ADAMTS12: variants seen among roughly 807,000 people sequenced by gnomAD.
ADAMTS12 encodes ADAM metallopeptidase with thrombospondin type 1 motif 12.
Under a neutral mutation model 167.8 loss-of-function variants are expected in ADAMTS12, and 118 were observed. That is an observed-to-expected ratio of 0.70 (90% confidence interval 0.61 to 0.82). The LOEUF (loss-of-function observed/expected upper bound fraction) is 0.82. Ranked by LOEUF, ADAMTS12 falls within the 40% of genes least tolerant of loss-of-function variation. The pLI is 0.00. For synonymous variants in ADAMTS12, 704 were observed against 716.9 expected (o/e 0.98, Z 0.29); for missense variants, 1,916 against 1,998.8 (o/e 0.96, Z 0.79).
chr5:33,744,603 A>G (rs1014687637), intron 3 of ADAMTS12, among the ~76,000 whole-genome samples: 6 of 152,174 alleles, frequency 3.9e-5, no homozygotes, highest in African/African-American at 1.4e-4. Flanking sequence ...CAATCATCCA[A>G]GTGAGAGGCG....
chr5:33,802,721 G>A (rs1457907407), intron 2 of ADAMTS12, among the ~76,000 whole-genome samples: 1 of 152,106 alleles, frequency 6.6e-6, no homozygotes, highest in African/African-American at 2.4e-5. Context: ...CATCTCAGGG[G>A]CCCTACTCTG....
At chr5:33,590,900 T>C (rs1017318186) in intron 17 of ADAMTS12, among the ~76,000 whole-genome samples, 383 of 53,942 alleles carry the variant, frequency 7.1e-3, no homozygotes, top group Non-Finnish European at 0.011. Flanking sequence ...TCTTCTTCCT[T>C]TTTTTTTTTT....
At chr5:33,614,852 G>A (rs758398300) in intron 15 of ADAMTS12, among the ~76,000 whole-genome samples, 1 of 152,218 alleles carries the variant, frequency 6.6e-6, no homozygotes, top group Non-Finnish European at 1.5e-5. Context: ...AGGGTTAAAT[G>A]AGTAAACACA....
chr5:33,683,327 A>C (rs895039727), intron 4 of ADAMTS12, among the ~76,000 whole-genome samples: 1 of 152,194 alleles, frequency 6.6e-6, no homozygotes, highest in African/African-American at 2.4e-5. Flanking sequence ...TGAAGGATTA[A>C]CATTTTTCTT....
chr5:33,845,564 GAATA>G (rs1748914468), intron 2 of ADAMTS12, among the ~76,000 whole-genome samples: 1 of 152,078 alleles, frequency 6.6e-6, no homozygotes, highest in African/African-American at 2.4e-5. Flanking sequence ...ATAAATACAT[GAATA>G]AATAAATTGC....
chr5:33,756,257 C>T (rs765838713), intron 2 of ADAMTS12, among the ~76,000 whole-genome samples: 4 of 152,240 alleles, frequency 2.6e-5, no homozygotes, highest in Non-Finnish European at 2.9e-5. Flanking sequence ...ACCTGAAGTC[C>T]TGTGTCACAG....
intron 3 of ADAMTS12, among the ~76,000 whole-genome samples, chr5:33,696,513 A>G (rs1290990653): frequency 1.3e-5 from 2 of 151,722 alleles, no homozygotes; most frequent in Non-Finnish European, 2.9e-5. Flanking sequence ...AGGTTTGACA[A>G]TAACACAAAT....
intron 6 of ADAMTS12, among the ~76,000 whole-genome samples, chr5:33,659,475 C>T (rs182394591): frequency 6.4e-4 from 98 of 152,316 alleles, no homozygotes; most frequent in Admixed American, 2.5e-3. Flanking sequence ...TGTGAAGCTG[C>T]TGGAAAAAGA....
intron 2 of ADAMTS12, among the ~76,000 whole-genome samples, chr5:33,753,461 G>T (rs976436319): frequency 3.9e-5 from 6 of 152,152 alleles, no homozygotes; most frequent in African/African-American, 1.4e-4. Context: ...GGCACAAGAG[G>T]AAAATGTGAG....
intron 2 of ADAMTS12, among the ~76,000 whole-genome samples, chr5:33,835,064 A>C (rs1748457113): frequency 6.6e-6 from 1 of 152,232 alleles, no homozygotes; most frequent in Non-Finnish European, 1.5e-5. Flanking sequence ...CATTTTTCAA[A>C]TACTATCTCT....
chr5:33,788,277 T>C (rs549127889), intron 2 of ADAMTS12, among the ~76,000 whole-genome samples: 7 of 152,232 alleles, frequency 4.6e-5, no homozygotes, highest in Middle Eastern at 3.4e-3. Flanking sequence ...ACAGTCTTTT[T>C]TCTCTCTCTC....
At chr5:33,856,349 C>T in intron 2 of ADAMTS12, among the ~76,000 whole-genome samples, 1 of 152,098 alleles carries the variant, frequency 6.6e-6, no homozygotes, top group Non-Finnish European at 1.5e-5. Flanking sequence ...GAACATAAAG[C>T]TGGGCCAAAT....
At chr5:33,752,918 C>T (rs1412601855) in intron 2 of ADAMTS12, among the ~76,000 whole-genome samples, 1 of 152,354 alleles carries the variant, frequency 6.6e-6, no homozygotes, top group Non-Finnish European at 1.5e-5. Context: ...GTTTGCTTCA[C>T]TGTAGCCAGT....
At chr5:33,585,088 A>C (rs978855518) in intron 18 of ADAMTS12, among the ~76,000 whole-genome samples, 1 of 151,952 alleles carries the variant, frequency 6.6e-6, no homozygotes, top group Non-Finnish European at 1.5e-5. Context: ...CATCCCTCCA[A>C]GGAAAAAGAT....
intron 19 of ADAMTS12, among the ~76,000 whole-genome samples, chr5:33,568,787 G>A (rs543747470): frequency 3.3e-4 from 51 of 152,368 alleles, no homozygotes; most frequent in Middle Eastern, 6.8e-3. Context: ...AAAGCAGGGC[G>A]AGGTATTGCC....
intron 17 of ADAMTS12, among the ~76,000 whole-genome samples, chr5:33,592,160 C>T (rs908707138): frequency 3.3e-5 from 5 of 151,900 alleles, no homozygotes; most frequent in Admixed American, 3.3e-4. Context: ...ACCTGGGAGG[C>T]GGAGGTTGCG....
intron 9 of ADAMTS12, among the ~76,000 whole-genome samples, chr5:33,644,554 C>A (rs528466273): frequency 6.6e-6 from 1 of 152,180 alleles, no homozygotes; most frequent in Non-Finnish European, 1.5e-5. Flanking sequence ...TCTTCTGGTT[C>A]TTTTTTCTCA....
At chr5:33,692,568 T>C (rs1193788463) in intron 3 of ADAMTS12, among the ~76,000 whole-genome samples, 2 of 152,310 alleles carry the variant, frequency 1.3e-5, no homozygotes, top group East Asian at 3.9e-4. Flanking sequence ...TATGTGGTAT[T>C]TTCTGTCACC....
intron 2 of ADAMTS12, among the ~76,000 whole-genome samples, chr5:33,814,547 A>C (rs1747579602): frequency 6.6e-6 from 1 of 152,206 alleles, no homozygotes; most frequent in South Asian, 2.1e-4. Context: ...GAAGATATAA[A>C]TTTGGGAATC....
Sources: gnomAD v4.1 joint callset for allele counts (sites outside exome capture counted in the v4.1 genomes callset) on GRCh38, gnomAD v4.1.1 for gene constraint, MANE v1.5 for transcripts, NCBI Gene and HGNC (gene_info 2026-07-23, HGNC 2026-07-21) for gene names.